Variants in ZNF121 observed in about 807,000 individuals in gnomAD.
The protein encoded by ZNF121 is zinc finger protein 121 (clone ZHC32).
Under a neutral mutation model 2.4 loss-of-function variants are expected in ZNF121, and 1 was observed. The ratio of observed to expected loss-of-function variants is 0.41; its 90% CI spans 0.15 to 1.94. The LOEUF (loss-of-function observed/expected upper bound fraction) is 1.94, where lower values mean the gene tolerates loss of function less well. ZNF121 is among the 30% of genes most tolerant of loss of function. The probability of loss-of-function intolerance (pLI) is 0.30; values close to 1 mark genes in which losing one functional copy is unlikely to be tolerated. For synonymous variants in ZNF121, 173 were observed against 158.6 expected (o/e 1.09, Z -0.68); for missense variants, 369 against 466.3 (o/e 0.79, Z 1.92).
chr19:9,568,163 T>G lies in ZNF121; in HGVS notation c.-66A>C. 3.4e-6 allele frequency: 5 copies of G among 1,474,668 alleles called. No homozygotes were observed. The highest frequency in any genetic ancestry group is 4.6e-6 in the Non-Finnish European group (5 of 1,093,654). 91.3% of individuals were successfully genotyped at this position (1,474,668 alleles called of 1,614,324 possible). ...TTGTTGAGGTGCTGACACTTTGGTT[T>G]TAACTTGCCATTCTGAAGTAAAACA... On this transcript the variant is annotated 5_prime_UTR_variant, in exon 3 of 4. An upstream open reading frame in the 5' UTR loses its in-frame stop. Coordinates refer to ENST00000320451, the MANE Select transcript of ZNF121 (RefSeq NM_001008727.5).
At chr19:9,567,415 G>A (rs990762373) in intron 3 of ZNF121, among the ~76,000 whole-genome samples, 1 of 152,074 alleles carries the variant, frequency 6.6e-6, no homozygotes, top group South Asian at 2.1e-4. Context: ...TTTTAAGATA[G>A]GATTAAGGTA....
intron 1 of ZNF121, among the ~76,000 whole-genome samples, chr19:9,577,184 C>A (rs1419070827): frequency 2.6e-5 from 4 of 152,170 alleles, no homozygotes; most frequent in Non-Finnish European, 5.9e-5. Context: ...TGGCTCACGC[C>A]CGTAATTCCA....
chr19:9,580,789 G>A (rs1364250050), intron 1 of ZNF121, among the ~76,000 whole-genome samples: 1 of 152,224 alleles, frequency 6.6e-6, no homozygotes, highest in Non-Finnish European at 1.5e-5. Flanking sequence ...ACCAACAGAA[G>A]ATGTAGAGTA....
chr19:9,583,732 T>C (rs569327184), intron 1 of ZNF121, among the ~76,000 whole-genome samples: 2 of 152,242 alleles, frequency 1.3e-5, no homozygotes, highest in South Asian at 2.1e-4. Flanking sequence ...CTCGAACTCC[T>C]GACCTCAGGT....
chr19:9,568,807 A>G (rs1244851978), intron 2 of ZNF121, among the ~76,000 whole-genome samples, 195 bp downstream of exon 2: 1 of 152,242 alleles, frequency 6.6e-6, no homozygotes, highest in Non-Finnish European at 1.5e-5. Context: ...AAGATAAAAG[A>G]GCACTCATTT....
In ZNF121 at chr19:9,563,645, G is replaced by T. The variant is rs941117743; in HGVS notation, c.*2295C>A. The stretch of plus-strand genomic sequence containing the variant: ...ACGCTCTGTTGTGCTGGCTGGTCTT[G>T]AACTCTTGACCTCAAGTGATCCTCC... On this transcript the variant is annotated 3_prime_UTR_variant, in exon 4 of 4. Coordinates refer to ENST00000320451, the MANE Select transcript of ZNF121 (RefSeq NM_001008727.5). 1.3e-5 allele frequency: 2 copies of T among 152,198 alleles called. No individual in the cohort carries two copies. The highest frequency in any genetic ancestry group is 4.8e-5 in the African/African-American group (2 of 41,448). 9.4% of individuals were successfully genotyped at this position (152,198 alleles called of 1,614,324 possible). A position where few individuals can be genotyped will look rare whatever the true frequency, so the allele number is the denominator to read the frequency against.
In ZNF121 at chr19:9,565,716, AATAAT is replaced by A; in HGVS notation, c.*219_*223del. The stretch of plus-strand genomic sequence containing the variant: ...AATAAAATAAAATAAAATAAAATAA[AATAAT>A]AAAAAAAGATTCCATTGGCTCCCTA... On this transcript the variant is annotated 3_prime_UTR_variant, in exon 4 of 4. Transcript: ENST00000320451. 4.3e-6 allele frequency: 1 copy of A among 229,980 alleles called. No individual in the cohort carries two copies. The highest frequency in any genetic ancestry group is 8.2e-6 in the Non-Finnish European group (1 of 122,318). The allele number at this position is 229,980 out of a possible 1,614,324, so 14.2% of individuals were successfully genotyped here.
At position 9,564,073 on chromosome 19, in the gene ZNF121, T is replaced by G. The variant is rs887383038; in HGVS notation, c.*1867A>C. The G allele has an allele frequency of 2.0e-5, 3 of 152,192 alleles. No individual in the cohort carries two copies. The highest frequency in any genetic ancestry group is 7.2e-5 in the African/African-American group (3 of 41,444). The allele number at this position is 152,192 out of a possible 1,614,324, so 9.4% of individuals were successfully genotyped here. A position where few individuals can be genotyped will look rare whatever the true frequency, so the allele number is the denominator to read the frequency against. On this transcript the variant is annotated 3_prime_UTR_variant, in exon 4 of 4. Transcript: ENST00000320451. Reference sequence around the variant, plus strand: ...AAGTCTTATTATTTAAGAAATACATTTCATAAGGCTATAGCTGCCACTAAT... The same window carrying G: ...AAGTCTTATTATTTAAGAAATACATGTCATAAGGCTATAGCTGCCACTAAT...
At chr19:9,570,751 G>A (rs1009761283) in intron 1 of ZNF121, among the ~76,000 whole-genome samples, 4 of 151,746 alleles carry the variant, frequency 2.6e-5, no homozygotes, top group South Asian at 2.1e-4. Flanking sequence ...CGAGGGGGGG[G>A]GGTATTTTTA....
chr19:9,582,018 G>T (rs1414156610), intron 1 of ZNF121, among the ~76,000 whole-genome samples: 1 of 152,124 alleles, frequency 6.6e-6, no homozygotes, highest in Non-Finnish European at 1.5e-5. Flanking sequence ...TGCTCAAAAA[G>T]TAAGTGTTCA....
intron 1 of ZNF121, among the ~76,000 whole-genome samples, chr19:9,581,360 C>T (rs1389273102): frequency 4.7e-5 from 7 of 148,800 alleles, no homozygotes; most frequent in South Asian, 2.1e-4. Flanking sequence ...AAACTAATCC[C>T]GGTTGGTGAA....
chr19:9,583,278 G>C (rs935829728), intron 1 of ZNF121, among the ~76,000 whole-genome samples: 5 of 151,396 alleles, frequency 3.3e-5, no homozygotes, highest in Admixed American at 6.6e-5. Flanking sequence ...GCTCTGTGGG[G>C]GGGTACAGAC....
chr19:9,567,929 T>C (rs2074145250), intron 3 of ZNF121, among the ~76,000 whole-genome samples, 166 bp downstream of exon 3: 1 of 152,088 alleles, frequency 6.6e-6, no homozygotes, highest in Admixed American at 6.6e-5. Context: ...TGCAGCCCAG[T>C]TCCTAACACT....
chr19:9,574,521 C>T (rs1462305685), intron 1 of ZNF121, among the ~76,000 whole-genome samples: 1 of 152,166 alleles, frequency 6.6e-6, no homozygotes, highest in Non-Finnish European at 1.5e-5. Context: ...CATGAGAGTA[C>T]ACCGAACAAA....
chr19:9,576,107 C>T lies in ZNF121; in HGVS notation c.-159-7025G>A, dbSNP rs143895903. 2.0e-5 allele frequency among the ~76,000 whole-genome samples: 3 copies of T among 151,732 alleles called. No homozygotes were observed. The East Asian group carries it at 5.8e-4, about 29-fold the overall frequency. The stretch of plus-strand genomic sequence containing the variant: ...CCAGAACAGGCCATATCTTAGGCCA[C>T]AAAAAAAAGTCACAACAAATTCAAA... On this transcript the variant is annotated intron_variant, in intron 1 of 3. Coordinates refer to ENST00000320451, the MANE Select transcript of ZNF121 (RefSeq NM_001008727.5).
intron 1 of ZNF121, among the ~76,000 whole-genome samples, chr19:9,576,635 A>C (rs547410557): frequency 6.6e-6 from 1 of 152,286 alleles, no homozygotes; most frequent in South Asian, 2.1e-4. Context: ...CAGCCAAAAT[A>C]AACAAAATTG....
chr19:9,578,441 A>G (rs944363029), intron 1 of ZNF121, among the ~76,000 whole-genome samples: 4 of 152,156 alleles, frequency 2.6e-5, no homozygotes, highest in African/African-American at 7.2e-5. Context: ...AAACTGCCTG[A>G]TATCAAAATA....
intron 1 of ZNF121, among the ~76,000 whole-genome samples, chr19:9,575,783 G>A (rs145732017): frequency 4.7e-4 from 71 of 152,154 alleles, no homozygotes; most frequent in African/African-American, 1.6e-3. Context: ...AATGATAAAG[G>A]GGTCAATTCA....
At chr19:9,567,385 G>C (rs2074141360) in intron 3 of ZNF121, among the ~76,000 whole-genome samples, 1 of 152,066 alleles carries the variant, frequency 6.6e-6, no homozygotes, top group African/African-American at 2.4e-5. Flanking sequence ...TTGTACTTGT[G>C]AGAATGCTGA....
Sources: allele counts gnomAD v4.1 joint callset (sites outside exome capture counted in the v4.1 genomes callset), GRCh38; gene constraint gnomAD v4.1.1; transcripts MANE v1.5; gene names NCBI Gene and HGNC (gene_info 2026-07-23, HGNC 2026-07-21).